Variants in PIK3C2A observed in about 807,000 individuals in gnomAD.
The protein encoded by PIK3C2A is phosphatidylinositol-4-phosphate 3-kinase catalytic subunit type 2 alpha.
In PIK3C2A, 97 loss-of-function variants were observed where a neutral mutation model predicts 204.5. The ratio of observed to expected loss-of-function variants is 0.47; its 90% CI spans 0.40 to 0.56. PIK3C2A has a LOEUF of 0.56. Ranked by LOEUF, PIK3C2A falls within the 20% of genes least tolerant of loss-of-function variation. The probability of loss-of-function intolerance (pLI) is 0.00; values close to 1 mark genes in which losing one functional copy is unlikely to be tolerated. For missense variants in PIK3C2A, 1,735 were observed against 1,969.2 expected (o/e 0.88, Z 2.25); for synonymous variants, 653 against 664.4 (o/e 0.98, Z 0.26).
At position 17,086,654 on chromosome 11, in the gene PIK3C2A, T is replaced by A. The variant is rs1848171978; in HGVS notation, c.*3084A>T. On this transcript the variant is annotated 3_prime_UTR_variant, in exon 33 of 33. Coordinates refer to ENST00000691414, the MANE Select transcript of PIK3C2A (RefSeq NM_002645.4). ...AATCCACTGAATATATTCAAGGTATTAATAAAAATATTATACATCTTTATT... is the reference window on the plus strand; with the variant it reads ...AATCCACTGAATATATTCAAGGTATAAATAAAAATATTATACATCTTTATT... 1 of 152,230 alleles carries A rather than the reference T, an allele frequency of 6.6e-6. No homozygotes were observed. The highest frequency in any genetic ancestry group is 2.4e-5 in the African/African-American group (1 of 41,466). 9.4% of individuals were successfully genotyped at this position (152,230 alleles called of 1,614,324 possible).
intron 11 of PIK3C2A, among the ~76,000 whole-genome samples, chr11:17,132,259 C>T (rs1849719221): frequency 1.3e-5 from 2 of 151,392 alleles, no homozygotes; most frequent in Admixed American, 6.6e-5. Flanking sequence ...AATGTAAGTT[C>T]CTAGGTCCCA....
At chr11:17,143,822 A>T (rs1233379932) in intron 8 of PIK3C2A, among the ~76,000 whole-genome samples, 1 of 152,078 alleles carries the variant, frequency 6.6e-6, no homozygotes, top group African/African-American at 2.4e-5. Flanking sequence ...CTGTAATCCC[A>T]GCTACTAGGG....
chr11:17,132,375 T>G (rs1044950079), intron 11 of PIK3C2A, among the ~76,000 whole-genome samples: 2 of 142,086 alleles, frequency 1.4e-5, no homozygotes, highest in Admixed American at 7.6e-5. Flanking sequence ...CAGGACGGAC[T>G]GCGGACTGCA....
At chr11:17,173,660 C>T (rs1050011938) in intron 1 of PIK3C2A, among the ~76,000 whole-genome samples, 2 of 152,204 alleles carry the variant, frequency 1.3e-5, no homozygotes, top group Admixed American at 1.3e-4. Flanking sequence ...AACACAGAAT[C>T]TGTGAACCTA....
chr11:17,177,544 T>C (rs975266697), intron 1 of PIK3C2A, among the ~76,000 whole-genome samples: 19 of 152,278 alleles, frequency 1.2e-4, no homozygotes, highest in African/African-American at 4.3e-4. Flanking sequence ...GAGCAGATTA[T>C]CTTAAAAACT....
At chr11:17,098,071 G>C (rs1848505198) in intron 26 of PIK3C2A, among the ~76,000 whole-genome samples, 1 of 152,176 alleles carries the variant, frequency 6.6e-6, no homozygotes, top group Non-Finnish European at 1.5e-5. Flanking sequence ...ATGGAAAGTA[G>C]GTCTGGAAAG....
chr11:17,143,518 C>G (rs1442645731), intron 8 of PIK3C2A, among the ~76,000 whole-genome samples: 2 of 151,538 alleles, frequency 1.3e-5, no homozygotes, highest in African/African-American at 4.9e-5. Flanking sequence ...TTTTTCTGTA[C>G]AGGGCCAAAC....
intron 1 of PIK3C2A, among the ~76,000 whole-genome samples, chr11:17,197,642 A>G (rs534415548): frequency 6.6e-6 from 1 of 152,308 alleles, no homozygotes; most frequent in East Asian, 1.9e-4. Context: ...CTATTGAAAG[A>G]CATTTTGCTG....
intron 1 of PIK3C2A, among the ~76,000 whole-genome samples, chr11:17,198,808 A>G (rs1852253240): frequency 1.0e-5 from 1 of 99,084 alleles, no homozygotes; most frequent in Non-Finnish European, 2.0e-5. Context: ...ATAAAAAACA[A>G]AACAAAACAA....
At chr11:17,098,913 GAC>G (rs113239041) in intron 26 of PIK3C2A, among the ~76,000 whole-genome samples, 6 of 151,990 alleles carry the variant, frequency 3.9e-5, no homozygotes, top group African/African-American at 9.7e-5. Context: ...TGTTTTTTTT[GAC>G]ACAGAGTTTC....
rs765854394 is a variant in PIK3C2A at position 17,135,040 on chromosome 11, G to GA, written c.1898-12dup. 91 of 1,601,604 alleles carry GA rather than the reference G, an allele frequency of 5.7e-5. No homozygotes were observed. The highest frequency in any genetic ancestry group is 7.8e-5 in the South Asian group (7 of 89,960). Reference sequence around the variant, plus strand: ...CAGGATTAAGTGAGCCTAGATTAAAGAAAAAAAAAGTTAATAGATTCTCTG... The same window carrying GA: ...CAGGATTAAGTGAGCCTAGATTAAAGAAAAAAAAAAGTTAATAGATTCTCTG... On this transcript the variant is annotated splice_polypyrimidine_tract_variant and intron_variant, in intron 10 of 32. Coordinates refer to ENST00000691414, the MANE Select transcript of PIK3C2A (RefSeq NM_002645.4).
chr11:17,171,628 C>T (rs1471227557), intron 1 of PIK3C2A, among the ~76,000 whole-genome samples: 2 of 152,112 alleles, frequency 1.3e-5, no homozygotes, highest in East Asian at 3.9e-4. Flanking sequence ...TGGTAGACTA[C>T]AAAGCATGGG....
At position 17,101,811 on chromosome 11, in the gene PIK3C2A, G is replaced by A. The variant is rs373449293; in HGVS notation, c.3852-377C>T. 1.4e-3 allele frequency among the ~76,000 whole-genome samples: 212 copies of A among 151,802 alleles called. 1 individual carries two copies. The highest frequency in any genetic ancestry group is 0.014 in the Middle Eastern group (4 of 294). Reference sequence around the variant, plus strand: ...GTAGAGGCGGGGTTTCACCGTGTTAGCCAGGATGGTCTCGATCTCCTGACC... The same window carrying A: ...GTAGAGGCGGGGTTTCACCGTGTTAACCAGGATGGTCTCGATCTCCTGACC... On this transcript the variant is annotated intron_variant, in intron 24 of 32. Coordinates refer to ENST00000691414, the MANE Select transcript of PIK3C2A (RefSeq NM_002645.4).
intron 2 of PIK3C2A, among the ~76,000 whole-genome samples, chr11:17,166,203 T>C (rs533257890): frequency 1.1e-4 from 16 of 152,284 alleles, no homozygotes; most frequent in African/African-American, 2.9e-4. Context: ...TCTGGCCTCA[T>C]AGGATTCTTG....
Position 17,102,689 on chromosome 11 carries a change from T to C in PIK3C2A, c.3824A>G (p.His1275Arg), listed in dbSNP as rs749470053. The change falls in exon 24 of 33, where the codon CAT becomes CGT. Residue 1275 changes from histidine to arginine, a missense_variant. Transcript: ENST00000691414. ...TTTGAAGCTGCCAAACATCTGTGCA[T>C]GTCCCAAAAACTTTCCAAAGTCAAT... ...FHIDFGKFLG[H>R]AQMFGSFKRD... 1.1e-5 allele frequency: 18 copies of C among 1,613,362 alleles called. No homozygotes were observed. The highest frequency in any genetic ancestry group is 2.2e-5 in the East Asian group (1 of 44,864).
intron 30 of PIK3C2A, 52 bp downstream of exon 30, chr11:17,091,944 T>C (rs1052587491): frequency 2.7e-6 from 3 of 1,106,352 alleles, no homozygotes; most frequent in Non-Finnish European, 4.2e-6. Context: ...ATCGAGAAGT[T>C]ACAGACTTGC....
chr11:17,099,209 T>G (rs1848545363), intron 26 of PIK3C2A, among the ~76,000 whole-genome samples: 1 of 152,220 alleles, frequency 6.6e-6, no homozygotes, highest in Non-Finnish European at 1.5e-5. Flanking sequence ...GATCTGTTTT[T>G]AAAGCAATAA....
At chr11:17,165,090 C>T (rs1565284775) in intron 2 of PIK3C2A, among the ~76,000 whole-genome samples, 1 of 152,134 alleles carries the variant, frequency 6.6e-6, no homozygotes, top group Admixed American at 6.6e-5. Flanking sequence ...AGTTGAGTTT[C>T]GCAATGAAAG....
intron 1 of PIK3C2A, among the ~76,000 whole-genome samples, chr11:17,201,353 C>A (rs986491416): frequency 3.3e-5 from 5 of 151,438 alleles, no homozygotes; most frequent in African/African-American, 9.7e-5. Context: ...ATGGTGAAAC[C>A]CCATCTCTAC....
Sources: allele counts gnomAD v4.1 joint callset (sites outside exome capture counted in the v4.1 genomes callset), GRCh38; gene constraint gnomAD v4.1.1; transcripts MANE v1.5; gene names NCBI Gene and HGNC (gene_info 2026-07-23, HGNC 2026-07-21).